The following ANTXR1 variants were observed in gnomAD, a reference collection of about 807,000 sequenced individuals.
ANTXR1 encodes anthrax toxin receptor 1.
A neutral mutation model predicts 78.1 loss-of-function variants in ANTXR1; 19 were observed. The observed-to-expected ratio is 0.24, with a 90% CI of 0.17 to 0.36. The LOEUF (loss-of-function observed/expected upper bound fraction) is 0.36, where lower values mean the gene tolerates loss of function less well. Among genes scored for constraint, ANTXR1 ranks in the 10% least tolerant of loss-of-function variants. The pLI, the probability that ANTXR1 is intolerant of heterozygous loss-of-function variation, is 1.00. For synonymous variants in ANTXR1, 273 were observed against 260.5 expected, an observed-to-expected ratio of 1.05 and a Z score of -0.46; for missense variants, 518 against 718.6, an observed-to-expected ratio of 0.72 and a Z score of 3.19.
chr2:69,044,855 T>C, intron 3 of ANTXR1, 42 bp downstream of exon 3: 1 of 1,587,600 alleles, frequency 6.3e-7, no homozygotes, highest in Non-Finnish European at 8.6e-7. Flanking sequence ...AGTCCATCAC[T>C]TCCTGAGTAG....
chr2:69,057,134 T>G (rs1434949595), intron 3 of ANTXR1, among the ~76,000 whole-genome samples: 1 of 152,250 alleles, frequency 6.6e-6, no homozygotes, highest in Non-Finnish European at 1.5e-5. Context: ...TGTCATATTT[T>G]ATTGTAATAA....
intron 3 of ANTXR1, among the ~76,000 whole-genome samples, chr2:69,062,636 C>T (rs766444106): frequency 1.8e-4 from 28 of 152,048 alleles, no homozygotes; most frequent in Non-Finnish European, 2.2e-4. Flanking sequence ...AATATTATAC[C>T]GAAGTCTCCA....
At chr2:69,230,045 G>T (rs188694807) in intron 17 of ANTXR1, among the ~76,000 whole-genome samples, 219 of 152,196 alleles carry the variant, frequency 1.4e-3, no homozygotes, top group Admixed American at 2.4e-3. Context: ...ACTACCCAGG[G>T]TATCTCTGCA....
At chr2:69,034,153 T>C (rs1303637081) in intron 1 of ANTXR1, among the ~76,000 whole-genome samples, 1 of 152,206 alleles carries the variant, frequency 6.6e-6, no homozygotes, top group Non-Finnish European at 1.5e-5. Flanking sequence ...CTTCTTATCA[T>C]GTTCCAAACA....
intron 17 of ANTXR1, among the ~76,000 whole-genome samples, chr2:69,227,132 C>CT (rs912605536): frequency 7.2e-5 from 11 of 152,120 alleles, no homozygotes; most frequent in Non-Finnish European, 1.5e-4. Flanking sequence ...TAACTTCATG[C>CT]TTTTTTTTAC....
chr2:69,016,325 C>T lies in ANTXR1; in HGVS notation c.152+2674C>T, dbSNP rs1039501809. Among the ~76,000 whole-genome samples the T allele has an allele frequency of 1.3e-4, 20 of 152,144 alleles. No individual in the cohort carries two copies. The East Asian group carries it at 2.3e-3, about 18-fold the overall frequency. ...TAGTGCAGACAAGAAGATAATTTGG[C>T]GACACATATAAAATGCTTTTAAAAA... On this transcript the variant is annotated intron_variant, in intron 1 of 17. Transcript: ENST00000303714.
intron 13 of ANTXR1, among the ~76,000 whole-genome samples, chr2:69,155,988 G>A (rs1399127045): frequency 6.6e-6 from 1 of 151,918 alleles, no homozygotes; most frequent in Non-Finnish European, 1.5e-5. Flanking sequence ...CCCAATTCCC[G>A]ATCTCCCCTC....
chr2:69,164,471 C>T (rs1015611018), intron 13 of ANTXR1, among the ~76,000 whole-genome samples: 2 of 152,178 alleles, frequency 1.3e-5, no homozygotes, highest in South Asian at 2.1e-4. Flanking sequence ...CTCATTTATT[C>T]CAGAAATAGT....
intron 10 of ANTXR1, among the ~76,000 whole-genome samples, chr2:69,110,852 A>G (rs905496578): frequency 6.6e-6 from 1 of 151,974 alleles, no homozygotes; most frequent in Non-Finnish European, 1.5e-5. Context: ...ACAGAGCAAG[A>G]CTCCGTCTCA....
At chr2:69,041,511 T>C (rs896805385) in intron 2 of ANTXR1, among the ~76,000 whole-genome samples, 3 of 152,190 alleles carry the variant, frequency 2.0e-5, no homozygotes, top group Admixed American at 1.3e-4. Context: ...TGGAGGAGTC[T>C]AGTGGGATAG....
At position 69,164,289 on chromosome 2, in the gene ANTXR1, A is replaced by G. The variant is rs139272529; in HGVS notation, c.1048-5959A>G. On this transcript the variant is annotated intron_variant, in intron 13 of 17. Coordinates refer to ENST00000303714, the MANE Select transcript of ANTXR1 (RefSeq NM_032208.3). Reference sequence around the variant, plus strand: ...GCAATGCATCCAAGCATCACAGCCCACTCTTGGCAGTTGGGACTTTCAGCA... The same window carrying G: ...GCAATGCATCCAAGCATCACAGCCCGCTCTTGGCAGTTGGGACTTTCAGCA... Among the ~76,000 whole-genome samples, 3 of 152,272 alleles carry G rather than the reference A, an allele frequency of 2.0e-5. No individual in the cohort carries two copies. In the East Asian group the frequency reaches 5.8e-4, roughly 29 times the overall value.
intron 17 of ANTXR1, among the ~76,000 whole-genome samples, chr2:69,205,666 T>C (rs2104491440): frequency 6.6e-6 from 1 of 151,188 alleles, no homozygotes; most frequent in East Asian, 1.9e-4. Flanking sequence ...CCAGGGAGTA[T>C]GGTTTTTTTC....
intron 17 of ANTXR1, among the ~76,000 whole-genome samples, chr2:69,233,845 T>C (rs1675686133): frequency 6.6e-6 from 1 of 151,922 alleles, no homozygotes; most frequent in Non-Finnish European, 1.5e-5. Context: ...TCAACAGAAA[T>C]ACTGTAAGAG....
At chr2:69,160,972 G>A (rs1183275413) in intron 13 of ANTXR1, among the ~76,000 whole-genome samples, 1 of 152,172 alleles carries the variant, frequency 6.6e-6, no homozygotes, top group Admixed American at 6.5e-5. Flanking sequence ...TGCCCTCCCT[G>A]GAGGCTGTAT....
At chr2:69,015,917 AAT>A (rs1165800723) in intron 1 of ANTXR1, among the ~76,000 whole-genome samples, 15 of 152,246 alleles carry the variant, frequency 9.9e-5, no homozygotes, top group African/African-American at 2.4e-4. Flanking sequence ...AAGAGAAAAA[AAT>A]ATGAGTCAAT....
In ANTXR1 at chr2:69,245,353, C is replaced by T. The variant is rs1472347162; in HGVS notation, c.1563C>T (p.Cys521=). The T allele has an allele frequency of 5.2e-6, 7 of 1,358,552 alleles. No homozygotes were observed. The allele number at this position is 1,358,552 out of a possible 1,614,324, so 84.2% of individuals were successfully genotyped here. A position where few individuals can be genotyped will look rare whatever the true frequency, so the allele number is the denominator to read the frequency against. The change falls in exon 18 of 18, where the codon TGC becomes TGT. Residue 521 remains cysteine, a synonymous_variant. Coordinates refer to ENST00000303714, the MANE Select transcript of ANTXR1 (RefSeq NM_032208.3). ...CTCCCCCACCTCCTGCGCCCCACTG[C>T]CCTCCCCCGCCCCCCAGCGCCCCTA... ...IYTPPPPAPH[C]PPPPPSAPTP...
intron 8 of ANTXR1, among the ~76,000 whole-genome samples, chr2:69,080,857 T>C (rs1432348057): frequency 6.6e-6 from 1 of 152,030 alleles, no homozygotes; most frequent in Non-Finnish European, 1.5e-5. Context: ...GTACAGTGCA[T>C]AGGAGAATGA....
intron 17 of ANTXR1, among the ~76,000 whole-genome samples, chr2:69,231,052 G>T (rs1344179970): frequency 1.3e-5 from 2 of 152,212 alleles, no homozygotes; most frequent in East Asian, 3.8e-4. Context: ...GTGAGAACAT[G>T]CAGTATTTGG....
intron 1 of ANTXR1, among the ~76,000 whole-genome samples, chr2:69,039,797 G>A: frequency 6.6e-6 from 1 of 152,002 alleles, no homozygotes; most frequent in South Asian, 2.1e-4. Flanking sequence ...TGTTTTTCAG[G>A]GTTTGGGTGT....
Sources: gnomAD v4.1 joint callset for allele counts (sites outside exome capture counted in the v4.1 genomes callset) on GRCh38, gnomAD v4.1.1 for gene constraint, MANE v1.5 for transcripts, NCBI Gene and HGNC (gene_info 2026-07-23, HGNC 2026-07-21) for gene names.